Variants in PTPRG observed in about 807,000 individuals in gnomAD.
The protein encoded by PTPRG is protein tyrosine phosphatase receptor type G, also known as receptor-type tyrosine-protein phosphatase gamma.
A neutral mutation model predicts 165.3 loss-of-function variants in PTPRG; 102 were observed. The observed-to-expected ratio is 0.62, with a 90% CI of 0.53 to 0.73. PTPRG has a LOEUF of 0.73. Ranked by LOEUF, PTPRG falls within the 30% of genes least tolerant of loss-of-function variation. The pLI, the probability that PTPRG is intolerant of heterozygous loss-of-function variation, is 0.00. For synonymous variants in PTPRG, 675 were observed against 669.5 expected, an observed-to-expected ratio of 1.01 and a Z score of -0.13; for missense variants, 1,866 against 1,861.4, an observed-to-expected ratio of 1.00 and a Z score of -0.05.
intron 5 of PTPRG, among the ~76,000 whole-genome samples, chr3:62,097,068 A>G (rs1418835495): frequency 6.6e-6 from 1 of 150,812 alleles, no homozygotes; most frequent in Admixed American, 6.7e-5. Flanking sequence ...TGTCAGAAAC[A>G]CAAAGACACC....
At chr3:61,930,993 AGAGG>A (rs1553692853) in intron 2 of PTPRG, among the ~76,000 whole-genome samples, 2 of 152,202 alleles carry the variant, frequency 1.3e-5, no homozygotes, top group Non-Finnish European at 2.9e-5. Context: ...CCTGGGAGGC[AGAGG>A]TTGCAGTGAG....
At chr3:61,830,992 TTAAA>T (rs1462455356) in intron 2 of PTPRG, among the ~76,000 whole-genome samples, 1 of 152,244 alleles carries the variant, frequency 6.6e-6, no homozygotes. Context: ...ATGAGAATGT[TTAAA>T]TAACAGACAT....
At chr3:61,645,068 A>C (rs1480153639) in intron 1 of PTPRG, among the ~76,000 whole-genome samples, 1 of 152,250 alleles carries the variant, frequency 6.6e-6, no homozygotes, top group Middle Eastern at 3.2e-3. Flanking sequence ...ACATTAAAAA[A>C]ATCTCAGTAT....
chr3:61,972,392 G>T (rs187819380), intron 2 of PTPRG, among the ~76,000 whole-genome samples: 35 of 151,890 alleles, frequency 2.3e-4, no homozygotes, highest in Admixed American at 2.2e-3. Flanking sequence ...GAATGATGTA[G>T]CATGCTGTTG....
Position 62,218,949 on chromosome 3 carries a change from C to T in PTPRG, c.2254C>T (p.Leu752Phe). The T allele has an allele frequency of 1.2e-6, 2 of 1,614,154 alleles. No individual in the cohort carries two copies. The highest frequency in any genetic ancestry group is 1.1e-5 in the South Asian group (1 of 91,060). Residue 752 changes from leucine (L) to phenylalanine (F), a missense_variant, in exon 13 of 30, where the codon CTC becomes TTC. Leu to Phe is a conservative substitution (Grantham distance 22, BLOSUM62 0). Transcript: ENST00000474889. ...GGTATCAGCCTTGACCTTCGTGTGC[C>T]TCATCCTTCTCATTGCTGTGCTCGT... ...IVVSALTFVC[L>F]ILLIAVLVYW...
At chr3:61,931,723 C>T (rs756338810) in intron 2 of PTPRG, among the ~76,000 whole-genome samples, 3 of 152,178 alleles carry the variant, frequency 2.0e-5, no homozygotes, top group Non-Finnish European at 4.4e-5. Flanking sequence ...ATCCAACCAC[C>T]TCCATTCCCC....
At chr3:62,289,704 C>CT (rs1444382183) in intron 28 of PTPRG, among the ~76,000 whole-genome samples, 1 of 139,656 alleles carries the variant, frequency 7.2e-6, no homozygotes, top group Non-Finnish European at 1.6e-5. Flanking sequence ...ATGATCCCCC[C>CT]CCCCCAAAAA....
chr3:62,164,187 A>G (rs1358482888), intron 7 of PTPRG, among the ~76,000 whole-genome samples: 2 of 152,174 alleles, frequency 1.3e-5, no homozygotes, highest in Admixed American at 6.5e-5. Flanking sequence ...GCACAACTCT[A>G]GGGGACACTT....
At chr3:61,935,805 C>G (rs1194214179) in intron 2 of PTPRG, among the ~76,000 whole-genome samples, 2 of 151,698 alleles carry the variant, frequency 1.3e-5, no homozygotes, top group African/African-American at 4.8e-5. Context: ...ATTAGCCAAC[C>G]TCACCTAATC....
At chr3:61,564,588 G>A (rs1324535487) in intron 1 of PTPRG, among the ~76,000 whole-genome samples, 1 of 152,244 alleles carries the variant, frequency 6.6e-6, no homozygotes, top group African/African-American at 2.4e-5. Context: ...AGGGAAGAGG[G>A]CGGTTTGGTT....
At chr3:61,757,272 A>T (rs1466164095) in intron 2 of PTPRG, among the ~76,000 whole-genome samples, 1 of 152,176 alleles carries the variant, frequency 6.6e-6, no homozygotes, top group Admixed American at 6.5e-5. Flanking sequence ...TATTTCTATA[A>T]TATTTTAATA....
At chr3:62,062,167 C>T (rs540798442) in intron 4 of PTPRG, among the ~76,000 whole-genome samples, 24 of 152,064 alleles carry the variant, frequency 1.6e-4, no homozygotes, top group African/African-American at 4.1e-4. Flanking sequence ...GGCGTGGTGG[C>T]GCGTGCCTGT....
At chr3:62,010,747 G>A (rs974436153) in intron 4 of PTPRG, among the ~76,000 whole-genome samples, 1 of 152,120 alleles carries the variant, frequency 6.6e-6, no homozygotes, top group Non-Finnish European at 1.5e-5. Flanking sequence ...ATGCTATCTT[G>A]TTTTATCATT....
chr3:62,053,957 A>C (rs1700548889), intron 4 of PTPRG, among the ~76,000 whole-genome samples: 1 of 152,200 alleles, frequency 6.6e-6, no homozygotes, highest in African/African-American at 2.4e-5. Flanking sequence ...AGGGTACTAC[A>C]TGAGGGACTA....
At chr3:61,848,894 C>A (rs2036879606) in intron 2 of PTPRG, among the ~76,000 whole-genome samples, 1 of 152,230 alleles carries the variant, frequency 6.6e-6, no homozygotes, top group Admixed American at 6.5e-5. Flanking sequence ...AATTCATCTT[C>A]ACATTATAGT....
chr3:61,835,901 A>G (rs2036443111), intron 2 of PTPRG, among the ~76,000 whole-genome samples: 2 of 151,688 alleles, frequency 1.3e-5, no homozygotes, highest in Non-Finnish European at 1.5e-5. Flanking sequence ...TTAGCCAGGC[A>G]TGGTGGCACA....
In PTPRG at chr3:62,233,817, GA is replaced by G. The variant is rs1026130526; in HGVS notation, c.2375+2513del. Among the ~76,000 whole-genome samples, 12 of 152,106 alleles carry G rather than the reference GA, an allele frequency of 7.9e-5. No individual in the cohort carries two copies. Among genetic ancestry groups the G allele is most frequent in the African/African-American group, 2.9e-4 (12 of 41,512 alleles). ...GTGATTATCCTCCCAGAAAGGAGAGGAAAAAAACATTGAAGATCAGACCCAA... is the reference window on the plus strand; with the variant it reads ...GTGATTATCCTCCCAGAAAGGAGAGGAAAAAACATTGAAGATCAGACCCAA... On this transcript the variant is annotated intron_variant, in intron 14 of 29. Coordinates refer to ENST00000474889, the MANE Select transcript of PTPRG (RefSeq NM_002841.4). The surrounding 1 kb of genome is among the most constrained non-coding windows in gnomAD (Gnocchi z 4.7).
chr3:62,129,609 T>C (rs1703440678), intron 5 of PTPRG, among the ~76,000 whole-genome samples: 1 of 152,100 alleles, frequency 6.6e-6, no homozygotes, highest in African/African-American at 2.4e-5. Context: ...ACAAATTCCC[T>C]CTAGCAATAA....
intron 1 of PTPRG, among the ~76,000 whole-genome samples, chr3:61,714,045 A>G (rs1461118841): frequency 1.3e-5 from 2 of 152,234 alleles, no homozygotes; most frequent in South Asian, 2.1e-4. Context: ...TTTGAACTGA[A>G]TGATCTCCAA....
Sources: allele counts gnomAD v4.1 joint callset (sites outside exome capture counted in the v4.1 genomes callset), GRCh38; gene constraint gnomAD v4.1.1; non-coding constraint Gnocchi (gnomAD v3.1); transcripts MANE v1.5; gene names NCBI Gene and HGNC (gene_info 2026-07-23, HGNC 2026-07-21).